The following CDKAL1 variants were observed in gnomAD, a reference collection of about 807,000 sequenced individuals.
The protein encoded by CDKAL1 is CDKAL1 threonylcarbamoyladenosine tRNA methylthiotransferase.
A neutral mutation model predicts 68.2 loss-of-function variants in CDKAL1; 32 were observed. The observed-to-expected ratio is 0.47, with a 90% CI of 0.35 to 0.63. The LOEUF is 0.63. Ranked by LOEUF, CDKAL1 falls within the 30% of genes least tolerant of loss-of-function variation. The pLI is 0.00. For synonymous variants in CDKAL1, 234 were observed against 244.3 expected, an observed-to-expected ratio of 0.96 and a Z score of 0.39; for missense variants, 606 against 696.7, an observed-to-expected ratio of 0.87 and a Z score of 1.47.
intron 10 of CDKAL1, among the ~76,000 whole-genome samples, chr6:20,963,677 A>T (rs575148149): frequency 6.6e-6 from 1 of 152,200 alleles, no homozygotes; most frequent in Admixed American, 6.5e-5. Flanking sequence ...AATGTTTCTC[A>T]TGTTGAAAAT....
intron 4 of CDKAL1, among the ~76,000 whole-genome samples, chr6:20,565,170 A>G (rs1021087726): frequency 1.3e-5 from 2 of 152,096 alleles, no homozygotes; most frequent in Non-Finnish European, 2.9e-5. Context: ...AATGAACAGC[A>G]TTTGTCAGTG....
At chr6:20,949,009 A>G (rs1160651569) in intron 9 of CDKAL1, among the ~76,000 whole-genome samples, 1 of 152,246 alleles carries the variant, frequency 6.6e-6, no homozygotes, top group Non-Finnish European at 1.5e-5. Context: ...TAGCAACAGC[A>G]TTATCAATTT....
chr6:20,605,004 G>A (rs550417084), intron 4 of CDKAL1, among the ~76,000 whole-genome samples: 5 of 152,266 alleles, frequency 3.3e-5, no homozygotes, highest in Admixed American at 3.3e-4. Context: ...TTGGAAGATG[G>A]GGCTGCTTCT....
chr6:20,693,108 C>A (rs1770944610), intron 5 of CDKAL1, among the ~76,000 whole-genome samples: 1 of 115,180 alleles, frequency 8.7e-6, no homozygotes, highest in African/African-American at 3.4e-5. Context: ...CCAGCCTGGG[C>A]AACAAAGCGA....
chr6:20,842,231 T>C (rs1292260358), intron 8 of CDKAL1, among the ~76,000 whole-genome samples: 2 of 152,218 alleles, frequency 1.3e-5, no homozygotes, highest in Admixed American at 1.3e-4. Flanking sequence ...TATTCTTTCT[T>C]TTCTGATTTT....
chr6:20,664,073 A>G, intron 5 of CDKAL1, among the ~76,000 whole-genome samples: 1 of 152,128 alleles, frequency 6.6e-6, no homozygotes, highest in Non-Finnish European at 1.5e-5. Flanking sequence ...GCCATTGGAT[A>G]TTATCAGAGG....
chr6:20,910,431 T>A (rs1160508937), intron 9 of CDKAL1, among the ~76,000 whole-genome samples: 1 of 152,200 alleles, frequency 6.6e-6, no homozygotes, highest in African/African-American at 2.4e-5. Flanking sequence ...TTATTGGAAA[T>A]TTAAATTTAA....
chr6:21,157,741 A>G (rs1039897894), intron 13 of CDKAL1, among the ~76,000 whole-genome samples: 6 of 152,228 alleles, frequency 3.9e-5, no homozygotes, highest in African/African-American at 1.4e-4. Flanking sequence ...TCTTTGAGAA[A>G]TGTAAGCACA....
chr6:20,809,162 C>A (rs911424504), intron 8 of CDKAL1, among the ~76,000 whole-genome samples: 14 of 152,152 alleles, frequency 9.2e-5, no homozygotes, highest in South Asian at 8.3e-4. Flanking sequence ...AAACAACTTA[C>A]TGTAACAGAC....
chr6:20,944,216 A>AG (rs1487376172), intron 9 of CDKAL1, among the ~76,000 whole-genome samples: 1 of 152,248 alleles, frequency 6.6e-6, no homozygotes, highest in Non-Finnish European at 1.5e-5. Flanking sequence ...TCTCTCAAGA[A>AG]TCACATTCCT....
chr6:21,224,835 C>G (rs1562130196), intron 15 of CDKAL1, among the ~76,000 whole-genome samples: 1 of 152,192 alleles, frequency 6.6e-6, no homozygotes, highest in Non-Finnish European at 1.5e-5. Context: ...CCTAGTAACC[C>G]TATTTCATAT....
At chr6:20,544,773 G>A (rs1055253380) in intron 2 of CDKAL1, among the ~76,000 whole-genome samples, 1 of 151,990 alleles carries the variant, frequency 6.6e-6, no homozygotes, top group Non-Finnish European at 1.5e-5. Flanking sequence ...TTAAACTTGT[G>A]TATCAGTTTG....
In CDKAL1 at chr6:21,209,333, A is replaced by T. The variant is rs750410040; in HGVS notation, c.1548+8059A>T. Among the ~76,000 whole-genome samples the T allele has an allele frequency of 6.3e-4, 96 of 152,320 alleles. 2 individuals are homozygous for T. Among genetic ancestry groups the T allele is most frequent in the Non-Finnish European group, 4.9e-4 (33 of 68,022 alleles). ...GAGCCTGGGACAAAGACGTGGACCG[A>T]CTTCCCTAGCTAAGCGCTAAGGAAA... is the stretch of plus-strand genomic sequence containing the variant. On this transcript the variant is annotated intron_variant, in intron 15 of 15. Coordinates refer to ENST00000274695, the MANE Select transcript of CDKAL1 (RefSeq NM_017774.3).
chr6:20,536,124 G>C (rs1359235315), intron 2 of CDKAL1, among the ~76,000 whole-genome samples: 1 of 145,226 alleles, frequency 6.9e-6, no homozygotes, highest in Non-Finnish European at 1.5e-5. Flanking sequence ...TTTTTGTAGC[G>C]ATAGGGTCCG....
rs577648314 is a variant in CDKAL1 at position 21,147,795 on chromosome 6, A to G, written c.1299+39332A>G. ...TGTATAATCTTTTGCAACAAGCTATAAAATGATTTTTTTTTGTCTTTAATT... is the reference window on the plus strand; with the variant it reads ...TGTATAATCTTTTGCAACAAGCTATGAAATGATTTTTTTTTGTCTTTAATT... On this transcript the variant is annotated intron_variant, in intron 13 of 15. Transcript: ENST00000274695. Among the ~76,000 whole-genome samples the G allele has an allele frequency of 4.3e-5, 6 of 140,456 alleles. No homozygotes were observed. The South Asian group carries it at 1.4e-3, about 32-fold the overall frequency. 92.1% of individuals were successfully genotyped at this position (140,456 alleles called of 152,430 possible).
chr6:20,653,853 C>T (rs557154430), intron 5 of CDKAL1, among the ~76,000 whole-genome samples: 5 of 152,130 alleles, frequency 3.3e-5, no homozygotes, highest in East Asian at 1.9e-4. Context: ...CCTCGTGATC[C>T]GCCTGCCTCG....
At chr6:21,048,689 G>A (rs1053698511) in intron 11 of CDKAL1, among the ~76,000 whole-genome samples, 3 of 151,960 alleles carry the variant, frequency 2.0e-5, no homozygotes, top group Non-Finnish European at 2.9e-5. Context: ...CTGGATATTA[G>A]AGGCAACTGC....
intron 15 of CDKAL1, among the ~76,000 whole-genome samples, chr6:21,228,616 G>A (rs1452474758): frequency 2.0e-5 from 3 of 152,100 alleles, no homozygotes; most frequent in Non-Finnish European, 4.4e-5. Flanking sequence ...TTATTCACTC[G>A]ATCAGTCATT....
chr6:20,972,604 T>C (rs1474508783), intron 10 of CDKAL1, among the ~76,000 whole-genome samples: 1 of 152,224 alleles, frequency 6.6e-6, no homozygotes, highest in East Asian at 1.9e-4. Context: ...GAACAGCCCA[T>C]CTCTGTTAAT....
Sources: gnomAD v4.1 joint callset for allele counts (sites outside exome capture counted in the v4.1 genomes callset) on GRCh38, gnomAD v4.1.1 for gene constraint, MANE v1.5 for transcripts, NCBI Gene and HGNC (gene_info 2026-07-23, HGNC 2026-07-21) for gene names.